C16orf46: variants seen among roughly 807,000 people sequenced by gnomAD.
C16orf46 encodes chromosome 16 open reading frame 46, also known as uncharacterized protein C16orf46.
A neutral mutation model predicts 5.5 loss-of-function variants in C16orf46; 7 were observed. That is an observed-to-expected ratio of 1.28 (90% CI 0.73 to 2.40). The LOEUF (loss-of-function observed/expected upper bound fraction) is 2.40, where lower values mean the gene tolerates loss of function less well. Among genes scored for constraint, C16orf46 ranks in the 30% most tolerant of loss-of-function variants. The probability of loss-of-function intolerance (pLI) is 0.00; values close to 1 mark genes in which losing one functional copy is unlikely to be tolerated. For missense variants in C16orf46, 614 were observed against 476.0 expected (o/e 1.29, Z -2.70); for synonymous variants, 200 against 184.1 (o/e 1.09, Z -0.70).
chr16:81,059,156 A>G (rs555778922), downstream of C16orf46, among the ~76,000 whole-genome samples: 156 of 151,812 alleles, frequency 1.0e-3, no homozygotes, highest in African/African-American at 3.7e-3. Flanking sequence ...CCCAGTCTCT[A>G]CTAATAATAC....
intron 1 of C16orf46, among the ~76,000 whole-genome samples, chr16:81,067,163 A>G (rs1971678419): frequency 6.6e-6 from 1 of 152,212 alleles, no homozygotes. Flanking sequence ...AGCCTATGGA[A>G]ATTTACCATA....
chr16:81,074,394 C>T (rs548054249), intron 1 of C16orf46, among the ~76,000 whole-genome samples: 45 of 148,734 alleles, frequency 3.0e-4, no homozygotes, highest in African/African-American at 1.1e-3. Flanking sequence ...TTTTTTCTTT[C>T]TTTTTTTTTT....
rs577984567 is a variant in C16orf46, at chr16:81,072,322, C to A, written c.-128+4814G>T. On this transcript the variant is annotated intron_variant, in intron 1 of 3. Transcript: ENST00000299578. ...GGGGTTGTTCGTGTAATGATTATAC[C>A]TGATGCAAAAAAAAAAAAAAAAAAG... The A allele has an allele frequency of 1.5e-4, 15 of 103,422 alleles. No individual in the cohort carries two copies. The East Asian group carries it at 3.6e-3, about 25-fold the overall frequency. 6.4% of individuals were successfully genotyped at this position (103,422 alleles called of 1,614,324 possible). A position where few individuals can be genotyped will look rare whatever the true frequency, so the allele number is the denominator to read the frequency against.
intron 2 of C16orf46, among the ~76,000 whole-genome samples, chr16:81,065,489 A>AC (rs1971627716): frequency 6.6e-6 from 1 of 151,628 alleles, no homozygotes; most frequent in Admixed American, 6.6e-5. Flanking sequence ...AAAAAAAAAA[A>AC]AAAAAGCAAA....
intron 2 of C16orf46, 32 bp from the exon 3 acceptor site, chr16:81,064,025 T>A (rs1597143452): frequency 1.7e-6 from 2 of 1,173,254 alleles, no homozygotes; most frequent in African/African-American, 1.6e-5. Context: ...ACTTCGTTTT[T>A]AATATTAATT....
At chr16:81,062,777 T>C (rs760364867) in intron 3 of C16orf46, among the ~76,000 whole-genome samples, 24 of 152,044 alleles carry the variant, frequency 1.6e-4, no homozygotes, top group African/African-American at 4.8e-4. Context: ...AGTAAAAATA[T>C]AGGACCACAT....
chr16:81,057,971 AG>A (rs1346211317), downstream of C16orf46: 1 of 162,548 alleles, frequency 6.2e-6, no homozygotes, highest in Non-Finnish European at 1.3e-5. Context: ...CGGAGGTTGC[AG>A]TGAGCCAAGA....
rs559369921 is a variant in C16orf46 at position 81,074,735 on chromosome 16, A to AT, written c.-128+2400dup. Among the ~76,000 whole-genome samples the AT allele has an allele frequency of 6.2e-3, 891 of 144,178 alleles. 4 individuals carry two copies. Among genetic ancestry groups the AT allele is most frequent in the Middle Eastern group, 0.026 (7 of 274 alleles). 94.6% of individuals were successfully genotyped at this position (144,178 alleles called of 152,430 possible). On this transcript the variant is annotated intron_variant, in intron 1 of 3. Coordinates refer to ENST00000299578, the MANE Select transcript of C16orf46 (RefSeq NM_152337.3). ...GCTTGAGGTGAACTACAACTTCCAG[A>AT]TTTTTTTTTTTTTCACATGAATGGC...
At chr16:81,056,874 G>A (rs1200404596), downstream of C16orf46, among the ~76,000 whole-genome samples, 2 of 152,026 alleles carry the variant, frequency 1.3e-5, no homozygotes, top group African/African-American at 4.8e-5. Context: ...CTGCACCAAG[G>A]CACCTGCTTG....
At chr16:81,054,699 T>C (rs989847279) in intron 3 of C16orf46, among the ~76,000 whole-genome samples, 2 of 152,040 alleles carry the variant, frequency 1.3e-5, no homozygotes, top group Non-Finnish European at 1.5e-5. Context: ...CCCAGGCTGG[T>C]ATGCAGTGGC....
chr16:81,073,699 T>C (rs1202984670), intron 1 of C16orf46, among the ~76,000 whole-genome samples: 2 of 152,188 alleles, frequency 1.3e-5, no homozygotes, highest in Admixed American at 6.5e-5. Context: ...AAGTCAGAGA[T>C]ACAAAGCACA....
chr16:81,057,259 C>T (rs1454959011), downstream of C16orf46, among the ~76,000 whole-genome samples: 5 of 151,988 alleles, frequency 3.3e-5, no homozygotes, highest in Non-Finnish European at 7.4e-5. Context: ...TTGTTTAGAA[C>T]GTATTGGGGC....
chr16:81,053,997 G>A, exon 4 of C16orf46: 1 of 1,473,992 alleles, frequency 6.8e-7, no homozygotes. Flanking sequence ...CATGTCCTGG[G>A]TGAAATATTT....
chr16:81,059,781 T>C (rs1181002560), downstream of C16orf46, among the ~76,000 whole-genome samples: 1 of 151,630 alleles, frequency 6.6e-6, no homozygotes, highest in Non-Finnish European at 1.5e-5. Context: ...TTTTATTTTT[T>C]TCCCAAAAAG....
At chr16:81,072,328 C>CAAAAAAAAA (rs34242284) in intron 1 of C16orf46, 1 of 102,834 alleles carries the variant, frequency 9.7e-6, no homozygotes, top group Non-Finnish European at 2.1e-5. Flanking sequence ...ATACCTGATG[C>CAAAAAAAAA]AAAAAAAAAA....
downstream of C16orf46, among the ~76,000 whole-genome samples, chr16:81,059,720 G>C (rs1381489245): frequency 1.3e-5 from 2 of 152,062 alleles, no homozygotes; most frequent in Non-Finnish European, 2.9e-5. Flanking sequence ...CCAAACATTA[G>C]ATGCAAAGTA....
Position 81,061,706 on chromosome 16 carries a change from T to C in C16orf46, c.643A>G (p.Lys215Glu). The change falls in exon 4 of 4, where the codon AAG becomes GAG. Residue 215 changes from lysine (K) to glutamate (E), a missense_variant. Coordinates refer to ENST00000299578, the MANE Select transcript of C16orf46 (RefSeq NM_152337.3). ...SRALLVLPPL[K>E]ASLSNALDVL... is the part of the protein sequence containing the mutation. ...TCCAAAGCATTTGAAAGTGAAGCCTTCAGGGGAGGCAGAACTAGGAGGGCC... is the reference window on the plus strand; with the variant it reads ...TCCAAAGCATTTGAAAGTGAAGCCTCCAGGGGAGGCAGAACTAGGAGGGCC... 1 of 1,614,140 alleles carries C rather than the reference T, an allele frequency of 6.2e-7. No individual in the cohort carries two copies. The highest frequency in any genetic ancestry group is 1.1e-5 in the South Asian group (1 of 91,086).
In C16orf46 at chr16:81,068,094, G is replaced by C. The variant is rs147627064; in HGVS notation, c.-127-1813C>G. Among the ~76,000 whole-genome samples, 90 of 152,334 alleles carry C rather than the reference G, an allele frequency of 5.9e-4. No individual in the cohort carries two copies. In the Middle Eastern group the frequency reaches 0.01, roughly 17 times the overall value. ...AGAATAGACATTACTATTTGGATCTGTGACACTATATTGAGATCATGTAAT... is the reference window on the plus strand; with the variant it reads ...AGAATAGACATTACTATTTGGATCTCTGACACTATATTGAGATCATGTAAT... On this transcript the variant is annotated intron_variant, in intron 1 of 3. Coordinates refer to ENST00000299578, the MANE Select transcript of C16orf46 (RefSeq NM_152337.3).
exon 4 of C16orf46, chr16:81,053,849 G>A (rs997088596): frequency 1.1e-4 from 52 of 480,688 alleles, no homozygotes; most frequent in Middle Eastern, 3.8e-4. Flanking sequence ...CTTTTTGGGG[G>A]CCGGGTTGGG....
Sources: allele counts gnomAD v4.1 joint callset (sites outside exome capture counted in the v4.1 genomes callset), GRCh38; gene constraint gnomAD v4.1.1; transcripts MANE v1.5; gene names NCBI Gene and HGNC (gene_info 2026-07-23, HGNC 2026-07-21).